The following ZNF571 variants were observed in gnomAD, a reference collection of about 807,000 sequenced individuals.
ZNF571 encodes the protein zinc finger protein 571.
In ZNF571, 4 loss-of-function variants were observed where a neutral mutation model predicts 7.7. The observed-to-expected ratio is 0.52, with a 90% CI of 0.25 to 1.18. The LOEUF is 1.18. ZNF571 is among the 50% of genes most tolerant of loss of function. The pLI is 0.14. For synonymous variants in ZNF571, 251 were observed against 232.4 expected (o/e 1.08, Z -0.73); for missense variants, 704 against 726.9 (o/e 0.97, Z 0.36).
At chr19:37,578,104 T>C (rs985263158) in intron 3 of ZNF571, among the ~76,000 whole-genome samples, 3 of 152,052 alleles carry the variant, frequency 2.0e-5, no homozygotes, top group Admixed American at 6.5e-5. Context: ...TGCCTGATGA[T>C]TTGAGGTGGA....
chr19:37,565,242 A>G lies in ZNF571; in HGVS notation c.1186T>C (p.Cys396Arg). 3 of 1,612,870 alleles carry G rather than the reference A, an allele frequency of 1.9e-6. No homozygotes were observed. Among genetic ancestry groups the G allele is most frequent in the Non-Finnish European group, 2.5e-6 (3 of 1,179,578 alleles). ...SGERPYKCKECGKAFISNSNL... is the reference protein window; with the variant it reads ...SGERPYKCKERGKAFISNSNL... ...GAATTAGAAATAAAGGCTTTCCCAC[A>G]TTCTTTGCATTTATAAGGTCTCTCA... Residue 396 changes from cysteine to arginine, a missense_variant, in exon 4 of 4, where the codon TGT (cysteine) becomes CGT (arginine). Transcript: ENST00000451802.
rs191690280 is a variant in ZNF571, at chr19:37,577,653, A to G, written c.136+6318T>C. On this transcript the variant is annotated intron_variant, in intron 3 of 3. Transcript: ENST00000451802. ...ATATATGTAGCAAAATAGTGAGAAG[A>G]TCCATGAGTAGAAGTGAAAATCTGG... Among the ~76,000 whole-genome samples the G allele has an allele frequency of 3.9e-5, 6 of 152,364 alleles. No individual in the cohort carries two copies. In the East Asian group the frequency reaches 9.6e-4, roughly 25 times the overall value.
chr19:37,583,818 G>A, intron 3 of ZNF571, 153 bp downstream of exon 3: 2 of 702,974 alleles, frequency 2.8e-6, no homozygotes, highest in Non-Finnish European at 4.7e-6. Context: ...ACAGTCTAAA[G>A]GATAAGAGAT....
chr19:37,590,525 T>C (rs190100400), intron 1 of ZNF571, among the ~76,000 whole-genome samples: 2 of 152,286 alleles, frequency 1.3e-5, no homozygotes, highest in East Asian at 1.9e-4. Context: ...CTACATTTCA[T>C]TTTAATAAAT....
chr19:37,580,835 AC>A (rs2043430800), intron 3 of ZNF571, among the ~76,000 whole-genome samples: 1 of 152,226 alleles, frequency 6.6e-6, no homozygotes, highest in African/African-American at 2.4e-5. Context: ...TGCTTCTTGT[AC>A]AACCTGCAGA....
Position 37,565,278 on chromosome 19 carries a change from C to T in ZNF571, c.1150G>A (p.Val384Ile). ...RGSQLTYHLR[V>I]HSGERPYKCK... The stretch of plus-strand genomic sequence containing the variant: ...TTATAAGGTCTCTCACCTGAATGAA[C>T]TCTCAGGTGGTAAGTAAGTTGTGAG... Residue 384 changes from valine to isoleucine, a missense_variant, in exon 4 of 4, where the codon GTT (valine) becomes ATT (isoleucine). By Grantham distance (29) the Val-to-Ile change is conservative (BLOSUM62 3). Transcript: ENST00000451802. 1.9e-6 allele frequency: 3 copies of T among 1,610,526 alleles called. No homozygotes were observed. The highest frequency in any genetic ancestry group is 2.5e-6 in the Non-Finnish European group (3 of 1,178,564).
chr19:37,589,462 T>C (rs1489208332), intron 1 of ZNF571, among the ~76,000 whole-genome samples: 5 of 151,180 alleles, frequency 3.3e-5, no homozygotes, highest in African/African-American at 1.2e-4. Flanking sequence ...AAAATCATTA[T>C]TTTAAATGGA....
At chr19:37,589,148 C>T (rs561162422) in intron 1 of ZNF571, among the ~76,000 whole-genome samples, 25 of 142,252 alleles carry the variant, frequency 1.8e-4, no homozygotes, top group African/African-American at 5.0e-4. Flanking sequence ...TGCAGTGAGC[C>T]GAGATCATGC....
At chr19:37,579,628 C>G (rs181319939) in intron 3 of ZNF571, among the ~76,000 whole-genome samples, 36 of 152,284 alleles carry the variant, frequency 2.4e-4, no homozygotes, top group African/African-American at 8.2e-4. Context: ...CTCTGAAGAT[C>G]TTACCATTTT....
chr19:37,572,719 T>C (rs2043106937), intron 3 of ZNF571, among the ~76,000 whole-genome samples: 1 of 152,230 alleles, frequency 6.6e-6, no homozygotes, highest in African/African-American at 2.4e-5. Flanking sequence ...AAGTAATCTG[T>C]TGGCCTTAGG....
chr19:37,593,237 A>G (rs548745497), intron 1 of ZNF571, among the ~76,000 whole-genome samples: 2 of 152,348 alleles, frequency 1.3e-5, no homozygotes, highest in East Asian at 3.9e-4. Flanking sequence ...TACTATAGGA[A>G]AAAACGGGGA....
chr19:37,572,182 A>G (rs2043083828), intron 3 of ZNF571, among the ~76,000 whole-genome samples: 1 of 150,852 alleles, frequency 6.6e-6, no homozygotes, highest in East Asian at 2.0e-4. Context: ...TAGGACCCAT[A>G]CACTGTAAAC....
At chr19:37,580,193 G>A (rs950719382) in intron 3 of ZNF571, among the ~76,000 whole-genome samples, 3 of 152,164 alleles carry the variant, frequency 2.0e-5, no homozygotes, top group Admixed American at 6.5e-5. Context: ...TATATTATCA[G>A]GTTTAGGCTT....
chr19:37,564,676 T>G lies in ZNF571; in HGVS notation c.1752A>C (p.Lys584Asn), dbSNP rs142122989. 1 of 1,613,272 alleles carries G rather than the reference T, an allele frequency of 6.2e-7. No homozygotes were observed. The highest frequency in any genetic ancestry group is 8.5e-7 in the Non-Finnish European group (1 of 1,179,582). The change falls in exon 4 of 4, where the codon AAA (lysine) becomes AAC (asparagine). Residue 584 changes from lysine to asparagine, a missense_variant. Coordinates refer to ENST00000451802, the MANE Select transcript of ZNF571 (RefSeq NM_016536.5). ...TLHQRIHTGE[K>N]PYTCVQCGKD... is the part of the protein sequence containing the mutation. Reference sequence around the variant, plus strand: ...TACCACACTGGACACATGTATAGGGTTTCTCACCAGTATGGATCCTTTGAT... The same window carrying G: ...TACCACACTGGACACATGTATAGGGGTTCTCACCAGTATGGATCCTTTGAT...
intron 1 of ZNF571, among the ~76,000 whole-genome samples, chr19:37,587,747 A>G (rs1298718562): frequency 6.6e-6 from 1 of 152,160 alleles, no homozygotes; most frequent in Non-Finnish European, 1.5e-5. Flanking sequence ...TTGAAGCACC[A>G]TAAGCCATTG....
In ZNF571 at chr19:37,564,523, G is replaced by A. The variant is rs1319524696; in HGVS notation, c.*75C>T. On this transcript the variant is annotated 3_prime_UTR_variant, in exon 4 of 4. Coordinates refer to ENST00000451802, the MANE Select transcript of ZNF571 (RefSeq NM_016536.5). ...AAGAATGAGCAGATTCTGAGCAGAA[G>A]CAAGATGTTCTACATTCATTATAGA... 5 of 1,348,858 alleles carry A rather than the reference G, an allele frequency of 3.7e-6. No individual in the cohort carries two copies. Among genetic ancestry groups the A allele is most frequent in the Non-Finnish European group, 3.9e-6 (4 of 1,024,422 alleles). The allele number at this position is 1,348,858 out of a possible 1,614,324, so 83.6% of individuals were successfully genotyped here.
intron 3 of ZNF571, among the ~76,000 whole-genome samples, chr19:37,579,233 G>A (rs940961112): frequency 1.3e-5 from 2 of 152,204 alleles, no homozygotes; most frequent in East Asian, 1.9e-4. Context: ...GGGCTAGCCC[G>A]ACTGCAGTCC....
chr19:37,590,637 A>G (rs2043842051), intron 1 of ZNF571, among the ~76,000 whole-genome samples: 1 of 152,220 alleles, frequency 6.6e-6, no homozygotes. Flanking sequence ...TCAGAAGTAT[A>G]TATGTAGAGA....
chr19:37,572,034 A>AG (rs2043077285), intron 3 of ZNF571, among the ~76,000 whole-genome samples: 2 of 152,228 alleles, frequency 1.3e-5, no homozygotes, highest in Non-Finnish European at 2.9e-5. Flanking sequence ...CATTAGTCCT[A>AG]TCTATCAATC....
Sources: gnomAD v4.1 joint callset for allele counts (sites outside exome capture counted in the v4.1 genomes callset) on GRCh38, gnomAD v4.1.1 for gene constraint, MANE v1.5 for transcripts, NCBI Gene and HGNC (gene_info 2026-07-23, HGNC 2026-07-21) for gene names.